PNKD: variants seen among roughly 807,000 people sequenced by gnomAD.
The protein encoded by PNKD is probable thioesterase PNKD.
Under a neutral mutation model 45.3 loss-of-function variants are expected in PNKD, and 36 were observed. The ratio of observed to expected loss-of-function variants is 0.80; its 90% confidence interval spans 0.61 to 1.05. The LOEUF is 1.05. Ranked by LOEUF, PNKD falls within the 50% of genes least tolerant of loss-of-function variation. The pLI is 0.00. For missense variants in PNKD, 511 were observed against 506.6 expected (o/e 1.01, Z -0.08); for synonymous variants, 197 against 210.1 (o/e 0.94, Z 0.54).
At chr2:218,302,723 T>A (rs1385887739) in intron 2 of PNKD, among the ~76,000 whole-genome samples, 1 of 152,208 alleles carries the variant, frequency 6.6e-6, no homozygotes, top group African/African-American at 2.4e-5. Flanking sequence ...AAGAAATTTA[T>A]TCTGAACCAA....
chr2:218,319,894 G>A (rs2382829), intron 2 of PNKD, among the ~76,000 whole-genome samples: 90,113 of 152,204 alleles, frequency 0.59, 27,102 homozygotes, highest in South Asian at 0.68. Flanking sequence ...AGGGGTTGGC[G>A]TTTGAGCTGA....
intron 2 of PNKD, among the ~76,000 whole-genome samples, chr2:218,305,066 C>T (rs947588981): frequency 1.3e-5 from 2 of 151,724 alleles, no homozygotes; most frequent in Non-Finnish European, 1.5e-5. Flanking sequence ...GAGCAAGACT[C>T]CATCTCAAAA....
At chr2:218,276,153 C>A in intron 2 of PNKD, 1 of 1,523,918 alleles carries the variant, frequency 6.6e-7, no homozygotes. Context: ...CAGCTTCCCC[C>A]GGGATAGTGG....
At chr2:218,281,376 A>T (rs1319178831) in intron 2 of PNKD, among the ~76,000 whole-genome samples, 2 of 152,054 alleles carry the variant, frequency 1.3e-5, no homozygotes. Context: ...ACCTCAGGTG[A>T]TCTGCTCGCC....
intron 7 of PNKD, among the ~76,000 whole-genome samples, chr2:218,343,060 G>A (rs1694727080): frequency 6.6e-6 from 1 of 152,234 alleles, no homozygotes; most frequent in South Asian, 2.1e-4. Flanking sequence ...CCCCTGGGTG[G>A]AGACTGGTTC....
In PNKD at chr2:218,304,436, A is replaced by G. The variant is rs114355531; in HGVS notation, c.236+32887A>G. Among the ~76,000 whole-genome samples, 596 of 151,980 alleles carry G rather than the reference A, an allele frequency of 3.9e-3. 5 individuals carry two copies. Among genetic ancestry groups the G allele is most frequent in the African/African-American group, 0.011 (473 of 41,462 alleles). On this transcript the variant is annotated intron_variant, in intron 2 of 9. Coordinates refer to ENST00000273077, the MANE Select transcript of PNKD (RefSeq NM_015488.5). ...TGGGATTACAGGCATGAGCCACCGC[A>G]CCCAACCTGTCTTTATGTTTTATAA...
At chr2:218,280,703 C>T (rs1250747657) in intron 2 of PNKD, 1 of 150,068 alleles carries the variant, frequency 6.7e-6, no homozygotes, top group Non-Finnish European at 1.5e-5. Context: ...GCAAACATTC[C>T]CTGAATGCCT....
chr2:218,315,060 T>TTCTTTCTTCCTG (rs1693758673), intron 2 of PNKD, among the ~76,000 whole-genome samples: 1 of 116,190 alleles, frequency 8.6e-6, no homozygotes, highest in Non-Finnish European at 1.8e-5. Context: ...CTTTCTTTCT[T>TTCTTTCTTCCTG]CCTTCCTTCC....
intron 2 of PNKD, chr2:218,279,344 TG>T (rs1242379092): frequency 6.3e-7 from 1 of 1,582,788 alleles, no homozygotes; most frequent in Admixed American, 1.8e-5. Context: ...ACGGAGATGA[TG>T]GAGTAAACCT....
intron 2 of PNKD, among the ~76,000 whole-genome samples, chr2:218,307,117 A>G (rs578163130): frequency 3.3e-5 from 5 of 152,194 alleles, no homozygotes; most frequent in African/African-American, 1.2e-4. Flanking sequence ...TTGGGGTCAC[A>G]TGAGGATGAG....
chr2:218,338,898 T>A (rs1694583891), intron 2 of PNKD, among the ~76,000 whole-genome samples: 1 of 148,706 alleles, frequency 6.7e-6, no homozygotes, highest in Non-Finnish European at 1.5e-5. Context: ...GCTCAAGCAA[T>A]CCTCCTGCCT....
chr2:218,288,221 G>T lies in PNKD; in HGVS notation c.236+16672G>T, dbSNP rs565308695. On this transcript the variant is annotated intron_variant, in intron 2 of 9. Coordinates refer to ENST00000273077, the MANE Select transcript of PNKD (RefSeq NM_015488.5). Reference sequence around the variant, plus strand: ...AGGCGGGCGGATCACGAGGTCAGGAGATCGAGACCATCCTGGCTAACATGG... The same window carrying T: ...AGGCGGGCGGATCACGAGGTCAGGATATCGAGACCATCCTGGCTAACATGG... Among the ~76,000 whole-genome samples the T allele has an allele frequency of 3.2e-3, 492 of 152,280 alleles. 3 individuals carry two copies. The highest frequency in any genetic ancestry group is 0.01 in the African/African-American group (432 of 41,552).
chr2:218,316,272 T>C lies in PNKD; in HGVS notation c.237-23511T>C, dbSNP rs11438579. On this transcript the variant is annotated intron_variant, in intron 2 of 9. Transcript: ENST00000273077. ...GGAAGATTTTTTTCTTTCTTTCTTT[T>C]TTTTTTTTTTTTTTTGAGACAGAGT... Among the ~76,000 whole-genome samples, 174 of 53,026 alleles carry C rather than the reference T, an allele frequency of 3.3e-3. 1 individual carries two copies. The Middle Eastern group carries it at 0.054, about 16-fold the overall frequency. 34.8% of individuals were successfully genotyped at this position (53,026 alleles called of 152,430 possible).
chr2:218,272,442 G>T, intron 2 of PNKD: 1 of 847,396 alleles, frequency 1.2e-6, no homozygotes, highest in South Asian at 1.4e-5. Context: ...AGCCAGCACA[G>T]AGGATGAATA....
chr2:218,290,924 T>C (rs1692890497), intron 2 of PNKD, among the ~76,000 whole-genome samples: 1 of 152,170 alleles, frequency 6.6e-6, no homozygotes, highest in African/African-American at 2.4e-5. Flanking sequence ...TCCCAGAGAA[T>C]TGTATGAGCT....
intron 2 of PNKD, among the ~76,000 whole-genome samples, chr2:218,312,296 A>G (rs1693637132): frequency 6.6e-6 from 1 of 152,188 alleles, no homozygotes; most frequent in South Asian, 2.1e-4. Flanking sequence ...AGCACTTAGA[A>G]CAGTGCCTTG....
At chr2:218,333,321 C>A (rs189412191) in intron 2 of PNKD, among the ~76,000 whole-genome samples, 26 of 152,288 alleles carry the variant, frequency 1.7e-4, no homozygotes, top group African/African-American at 5.8e-4. Context: ...GGTGCAGAGT[C>A]CCTGCCCGCA....
chr2:218,301,685 G>A (rs1693278752), intron 2 of PNKD, among the ~76,000 whole-genome samples: 1 of 152,160 alleles, frequency 6.6e-6, no homozygotes, highest in Non-Finnish European at 1.5e-5. Flanking sequence ...TACTTGGAAG[G>A]ATGAGGTGGG....
chr2:218,319,197 C>A lies in PNKD; in HGVS notation c.237-20586C>A, dbSNP rs117776597. Among the ~76,000 whole-genome samples, 25 of 151,384 alleles carry A rather than the reference C, an allele frequency of 1.7e-4. No homozygotes were observed. The East Asian group carries it at 4.9e-3, about 30-fold the overall frequency. ...CTCGAACTCCTGACCTTGTGATCCG[C>A]CCTCATCAGCCTCCCAAAGTGTTGG... On this transcript the variant is annotated intron_variant, in intron 2 of 9. Transcript: ENST00000273077.
Sources: gnomAD v4.1 joint callset for allele counts (sites outside exome capture counted in the v4.1 genomes callset) on GRCh38, gnomAD v4.1.1 for gene constraint, MANE v1.5 for transcripts, NCBI Gene and HGNC (gene_info 2026-07-23, HGNC 2026-07-21) for gene names.